Variants in SPAG16 observed in about 807,000 individuals in gnomAD.
The protein encoded by SPAG16 is sperm-associated antigen 16 protein.
In SPAG16, 86 loss-of-function variants were observed where a neutral mutation model predicts 80.4. That is an observed-to-expected ratio of 1.07 (90% CI 0.90 to 1.28). The LOEUF (loss-of-function observed/expected upper bound fraction) is 1.28. Ranked by LOEUF, SPAG16 falls within the 50% of genes most tolerant of loss-of-function variation. The pLI is 0.00. For missense variants in SPAG16, 870 were observed against 765.3 expected (o/e 1.14, Z -1.61); for synonymous variants, 294 against 265.9 (o/e 1.11, Z -1.03).
intron 12 of SPAG16, among the ~76,000 whole-genome samples, chr2:213,941,952 T>G (rs1477322901): frequency 6.6e-6 from 1 of 152,156 alleles, no homozygotes; most frequent in African/African-American, 2.4e-5. Flanking sequence ...TGAGCACCAT[T>G]TCTTATCTCT....
chr2:214,168,225 C>G (rs1337774855), intron 15 of SPAG16, among the ~76,000 whole-genome samples: 1 of 152,038 alleles, frequency 6.6e-6, no homozygotes, highest in African/African-American at 2.4e-5. Flanking sequence ...CTCCTGACCT[C>G]AAGTGATCTG....
At chr2:213,694,828 G>A (rs1292199663) in intron 10 of SPAG16, among the ~76,000 whole-genome samples, 1 of 149,958 alleles carries the variant, frequency 6.7e-6, no homozygotes, top group Non-Finnish European at 1.5e-5. Flanking sequence ...TCTGAATTCT[G>A]TAAGTATTAT....
intron 11 of SPAG16, among the ~76,000 whole-genome samples, chr2:213,904,596 T>A (rs1429747145): frequency 1.1e-5 from 1 of 88,572 alleles, no homozygotes; most frequent in Non-Finnish European, 2.3e-5. Context: ...AAGGATAAAT[T>A]TTGCAAAAAA....
intron 15 of SPAG16, among the ~76,000 whole-genome samples, chr2:214,274,555 C>A (rs1218766835): frequency 2.0e-5 from 3 of 152,072 alleles, no homozygotes; most frequent in Non-Finnish European, 4.4e-5. Flanking sequence ...TTGAGGTAAT[C>A]ATATGGTTTT....
At chr2:213,624,638 A>G (rs1359973091) in intron 10 of SPAG16, among the ~76,000 whole-genome samples, 1 of 152,200 alleles carries the variant, frequency 6.6e-6, no homozygotes, top group Non-Finnish European at 1.5e-5. Context: ...TTGAACCTAC[A>G]TTTGTCTGAA....
At chr2:213,673,803 A>G (rs994803645) in intron 10 of SPAG16, among the ~76,000 whole-genome samples, 1 of 152,124 alleles carries the variant, frequency 6.6e-6, no homozygotes, top group Non-Finnish European at 1.5e-5. Flanking sequence ...ATTACAAACA[A>G]CAAAAAAAAA....
chr2:213,406,002 TAAG>T (rs1369637485), intron 9 of SPAG16, among the ~76,000 whole-genome samples: 1 of 152,160 alleles, frequency 6.6e-6, no homozygotes, highest in Non-Finnish European at 1.5e-5. Context: ...ATTTGGATAA[TAAG>T]AAGAGGCATA....
At chr2:213,577,921 T>G (rs1374715465) in intron 10 of SPAG16, among the ~76,000 whole-genome samples, 1 of 152,082 alleles carries the variant, frequency 6.6e-6, no homozygotes, top group Non-Finnish European at 1.5e-5. Flanking sequence ...CTTTTATGTT[T>G]GCTCTATCCA....
chr2:214,383,526 G>T (rs1376006343), intron 15 of SPAG16, among the ~76,000 whole-genome samples: 2 of 146,102 alleles, frequency 1.4e-5, no homozygotes, highest in South Asian at 4.3e-4. Context: ...AGCCAAGATC[G>T]CACCACTGCA....
At chr2:213,545,505 C>A (rs777451074) in intron 10 of SPAG16, among the ~76,000 whole-genome samples, 8 of 151,998 alleles carry the variant, frequency 5.3e-5, no homozygotes, top group Non-Finnish European at 8.8e-5. Flanking sequence ...GTGAACTCTG[C>A]CTTTGGTATT....
At chr2:213,813,557 T>C (rs2072314173) in intron 10 of SPAG16, among the ~76,000 whole-genome samples, 1 of 152,184 alleles carries the variant, frequency 6.6e-6, no homozygotes, top group African/African-American at 2.4e-5. Flanking sequence ...GAAGCACTCC[T>C]GTGCCCTGGT....
At chr2:213,590,686 T>C (rs1478846910) in intron 10 of SPAG16, among the ~76,000 whole-genome samples, 2 of 152,170 alleles carry the variant, frequency 1.3e-5, no homozygotes, top group African/African-American at 4.8e-5. Flanking sequence ...AATGGAACGC[T>C]TATGTGCTGT....
intron 15 of SPAG16, among the ~76,000 whole-genome samples, chr2:214,183,174 A>G (rs2057359159): frequency 6.6e-6 from 1 of 151,918 alleles, no homozygotes; most frequent in African/African-American, 2.4e-5. Context: ...AAATCCATAC[A>G]TCTACTACAT....
intron 11 of SPAG16, among the ~76,000 whole-genome samples, chr2:213,908,580 C>T (rs980098219): frequency 5.3e-5 from 8 of 152,078 alleles, no homozygotes; most frequent in Non-Finnish European, 8.8e-5. Context: ...TCTCATTCGA[C>T]GAGAATTCAT....
At chr2:213,730,448 C>T (rs2098979) in intron 10 of SPAG16, among the ~76,000 whole-genome samples, 140,793 of 152,264 alleles carry the variant, frequency 0.92, 66,140 homozygotes, top group East Asian at 1. Context: ...TCCATCTCTT[C>T]CACTTAATTT....
chr2:213,573,059 G>A (rs988981547), intron 10 of SPAG16, among the ~76,000 whole-genome samples: 23 of 152,168 alleles, frequency 1.5e-4, no homozygotes, highest in African/African-American at 7.2e-5. Flanking sequence ...GACCCCTCGC[G>A]CTTCCCAGGT....
intron 10 of SPAG16, among the ~76,000 whole-genome samples, chr2:213,690,113 C>T (rs1159346575): frequency 6.6e-6 from 1 of 152,154 alleles, no homozygotes; most frequent in Non-Finnish European, 1.5e-5. Flanking sequence ...ATGATTTTGT[C>T]TTAGAACATT....
At chr2:213,957,021 T>G (rs907379410) in intron 12 of SPAG16, among the ~76,000 whole-genome samples, 2 of 152,152 alleles carry the variant, frequency 1.3e-5, no homozygotes, top group Non-Finnish European at 1.5e-5. Context: ...TTAAATCTAT[T>G]GAGATTTAAT....
chr2:213,679,449 A>T lies in SPAG16; in HGVS notation c.1071-183036A>T, dbSNP rs532609075. ...GTGCAATTTGATTTAAAATTGTACC[A>T]CTGGTCCTGACAGTAAGAACAATTG... On this transcript the variant is annotated intron_variant, in intron 10 of 15. Coordinates refer to ENST00000331683, the MANE Select transcript of SPAG16 (RefSeq NM_024532.5). Among the ~76,000 whole-genome samples the T allele has an allele frequency of 1.0e-3, 157 of 152,294 alleles. 1 individual carries two copies. Among genetic ancestry groups the T allele is most frequent in the African/African-American group, 3.5e-3 (147 of 41,576 alleles).
Sources: allele counts gnomAD v4.1 joint callset (sites outside exome capture counted in the v4.1 genomes callset), GRCh38; gene constraint gnomAD v4.1.1; transcripts MANE v1.5; gene names NCBI Gene and HGNC (gene_info 2026-07-23, HGNC 2026-07-21).